SLC39A7: variants seen among roughly 807,000 people sequenced by gnomAD.
SLC39A7 encodes zinc transporter SLC39A7.
SLC39A7 carries 25 observed loss-of-function variants against 39.7 expected under a neutral mutation model. That is an observed-to-expected ratio of 0.63 (90% CI 0.46 to 0.88). The LOEUF is 0.88. Ranked by LOEUF, SLC39A7 falls within the 40% of genes least tolerant of loss-of-function variation. SLC39A7 has a pLI of 0.00. For missense variants in SLC39A7, 501 were observed against 592.1 expected (o/e 0.85, Z 1.60); for synonymous variants, 181 against 234.1 (o/e 0.77, Z 2.07).
chr6:33,201,985 TTATG>T lies in SLC39A7; in HGVS notation c.580+73_580+76del, dbSNP rs1774614615. On this transcript the variant is annotated intron_variant, in intron 2 of 6. Coordinates refer to ENST00000374677, the MANE Select transcript of SLC39A7 (RefSeq NM_006979.3). This position sits in a 1 kb window ranked among gnomAD's most constrained non-coding sequence, Gnocchi z 5.9. ...TTGGAGGAAAAGGGTTCTTTCTCCT[TTATG>T]ATCCCTGACCTTTCGATATTCCCCC... 1 of 1,596,244 alleles carries T rather than the reference TTATG, an allele frequency of 6.3e-7. No individual in the cohort carries two copies. The highest frequency in any genetic ancestry group is 1.1e-5 in the South Asian group (1 of 90,746).
Position 33,202,550 on chromosome 6 carries a change from C to A in SLC39A7, c.800-10C>A, listed in dbSNP as rs113452803. ...GTTCTCCACTCTGACCAACTCTTTT[C>A]TTCCCTCAGAGCGTTCTACCAAGGA... On this transcript the variant is annotated splice_polypyrimidine_tract_variant and intron_variant, in intron 4 of 6. Transcript: ENST00000374677. 9.4e-6 allele frequency: 15 copies of A among 1,595,404 alleles called. No individual in the cohort carries two copies. The highest frequency in any genetic ancestry group is 1.7e-4 in the Middle Eastern group (1 of 5,946).
chr6:33,203,812 G>A lies in SLC39A7; in HGVS notation c.1409G>A (p.Ter470=). 1 of 1,613,880 alleles carries A rather than the reference G, an allele frequency of 6.2e-7. No homozygotes were observed. The highest frequency in any genetic ancestry group is 8.5e-7 in the Non-Finnish European group (1 of 1,179,926). ...IMMVLIAHLE[*] ...ATGGTGCTGATTGCCCACCTTGAGT[G>A]AGGGGTGGATAAACTACCCCTGCCC... Residue 470 remains the stop codon, a stop_retained_variant, in exon 7 of 7, where the codon TGA becomes TAA. Transcript: ENST00000374677.
Position 33,200,953 on chromosome 6 carries a change from T to C in SLC39A7, c.-293T>C. 1.1e-6 allele frequency: 1 copy of C among 908,356 alleles called. No individual in the cohort carries two copies. The highest frequency in any genetic ancestry group is 1.8e-6 in the Non-Finnish European group (1 of 564,556). The allele number at this position is 908,356 out of a possible 1,614,324, so 56.3% of individuals were successfully genotyped here. On this transcript the variant is annotated 5_prime_UTR_variant, in exon 1 of 7. Coordinates refer to ENST00000374677, the MANE Select transcript of SLC39A7 (RefSeq NM_006979.3). This position sits in a 1 kb window ranked among gnomAD's most constrained non-coding sequence, Gnocchi z 6.3. ...TCCCGGAGCCGGTGAGAATTCTCTG[T>C]TTTTTCTCTACCATCCTTTCCAGGC...
chr6:33,203,989 G>T lies in SLC39A7; in HGVS notation c.*176G>T, dbSNP rs534707605. ...CTGGCAGTCTTACAGAGGCTGGAGC[G>T]GTGAGAATGAGAGGCCAGAGGGACC... On this transcript the variant is annotated 3_prime_UTR_variant, in exon 7 of 7. Coordinates refer to ENST00000374677, the MANE Select transcript of SLC39A7 (RefSeq NM_006979.3). 6 of 643,022 alleles carry T rather than the reference G, an allele frequency of 9.3e-6. No homozygotes were observed. The highest frequency in any genetic ancestry group is 1.6e-5 in the Non-Finnish European group (6 of 370,184). The allele number at this position is 643,022 out of a possible 1,614,324, so 39.8% of individuals were successfully genotyped here. A position where few individuals can be genotyped will look rare whatever the true frequency, so the allele number is the denominator to read the frequency against.
In SLC39A7 at chr6:33,201,792, C is replaced by T. The variant is rs1257669666; in HGVS notation, c.459C>T (p.Leu153=). 1 of 1,613,794 alleles carries T rather than the reference C, an allele frequency of 6.2e-7. No homozygotes were observed. Residue 153 remains leucine, a synonymous_variant, in exon 2 of 7, where the codon CTC becomes CTT. Transcript: ENST00000374677. The surrounding 1 kb of genome is among the most constrained non-coding windows in gnomAD (Gnocchi z 5.9). Reference sequence around the variant, plus strand: ...TCTCAGCAGCTCCATTTTTTGTCCTCTTCCTTATCCCCGTGGAGTCGAACT... The same window carrying T: ...TCTCAGCAGCTCCATTTTTTGTCCTTTTCCTTATCCCCGTGGAGTCGAACT... ...VLISAAPFFV[L]FLIPVESNSP...
chr6:33,201,925 C>G lies in SLC39A7; in HGVS notation c.580+12C>G. ...TCCTCATGCTCTTGGTAAGTAACCT[C>G]TGACTTCTACCTCAAATCTAACCTA... On this transcript the variant is annotated intron_variant, in intron 2 of 6. Coordinates refer to ENST00000374677, the MANE Select transcript of SLC39A7 (RefSeq NM_006979.3). This position sits in a 1 kb window ranked among gnomAD's most constrained non-coding sequence, Gnocchi z 5.9. 6.2e-7 allele frequency: 1 copy of G among 1,612,444 alleles called. No homozygotes were observed. Among genetic ancestry groups the G allele is most frequent in the East Asian group, 2.2e-5 (1 of 44,888 alleles).
rs1348305386 is a variant in SLC39A7, at chr6:33,202,437, G to A, written c.799+10G>A. ...GGACATGGAAGACAAGGTGAGCCCA[G>A]GAACAACTTTCCTGAAAGCTGACTT... On this transcript the variant is annotated intron_variant, in intron 4 of 6. Transcript: ENST00000374677. 6.2e-7 allele frequency: 1 copy of A among 1,611,326 alleles called. No homozygotes were observed. The highest frequency in any genetic ancestry group is 8.5e-7 in the Non-Finnish European group (1 of 1,178,712).
In SLC39A7 at chr6:33,201,308, G is replaced by C. The variant is rs1774526141; in HGVS notation, c.63G>C (p.Leu21Phe). The C allele has an allele frequency of 6.2e-7, 1 of 1,613,980 alleles. No individual in the cohort carries two copies. The highest frequency in any genetic ancestry group is 1.3e-5 in the African/African-American group (1 of 74,906). ...VAVGLLTWAT[L>F]GLLVAGLGGH... ...TGGGACTGCTGACCTGGGCGACCTT[G>C]GGGCTTCTGGTGGCTGGACTCGGGG... The change falls in exon 1 of 7, where the codon TTG becomes TTC. Residue 21 changes from leucine to phenylalanine, a missense_variant. Leu to Phe is a conservative substitution (Grantham distance 22). Transcript: ENST00000374677. This position sits in a 1 kb window ranked among gnomAD's most constrained non-coding sequence, Gnocchi z 5.9.
At position 33,203,026 on chromosome 6, in the gene SLC39A7, A is replaced by G. The variant is rs200791329; in HGVS notation, c.1057A>G (p.Met353Val). The change falls in exon 6 of 7, where the codon ATG (methionine) becomes GTG (valine). Residue 353 changes from methionine to valine, a missense_variant. Coordinates refer to ENST00000374677, the MANE Select transcript of SLC39A7 (RefSeq NM_006979.3). ...CCGGGGACTAGGGATCCTGACCACA[A>G]TGACTGTCCTGCTACATGAAGTGCC... ...GGRGLGILTT[M>V]TVLLHEVPHE... is the part of the protein sequence containing the mutation. The G allele has an allele frequency of 7.1e-4, 1,144 of 1,612,728 alleles. 15 individuals carry two copies. The highest frequency in any genetic ancestry group is 7.0e-3 in the South Asian group (634 of 91,064).
rs1562428042 is a variant in SLC39A7, at chr6:33,201,338, T to TGACGACCTGCAC, written c.99_110dup (p.His35_Leu38dup). 2 of 1,614,080 alleles carry TGACGACCTGCAC rather than the reference T, an allele frequency of 1.2e-6. No homozygotes were observed. On this transcript the variant is annotated inframe_insertion, in exon 1 of 7. Coordinates refer to ENST00000374677, the MANE Select transcript of SLC39A7 (RefSeq NM_006979.3). This position sits in a 1 kb window ranked among gnomAD's most constrained non-coding sequence, Gnocchi z 5.9. ...TTCTGGTGGCTGGACTCGGGGGTCATGACGACCTGCACGACGATCTGCAAG... is the reference window on the plus strand; with the variant it reads ...TTCTGGTGGCTGGACTCGGGGGTCATGACGACCTGCACGACGACCTGCACGACGATCTGCAAG...
Position 33,202,072 on chromosome 6 carries a change from A to G in SLC39A7, c.581A>G (p.Glu194Gly). ...AFLHLIPHAL[E>G]PHSHHTLEQP... is the part of the protein sequence containing the mutation. ...ATCTGGTTTTCCCCCCTTCTTCCAG[A>G]ACCTCATTCTCACCACACTCTGGAG... Residue 194 changes from glutamate (E) to glycine (G), a missense_variant and splice_region_variant, in exon 3 of 7, where the codon GAA becomes GGA. By Grantham distance (98) the Glu-to-Gly change is moderately conservative. Transcript: ENST00000374677. 6.2e-7 allele frequency: 1 copy of G among 1,612,912 alleles called. No individual in the cohort carries two copies. Among genetic ancestry groups the G allele is most frequent in the Non-Finnish European group, 8.5e-7 (1 of 1,179,958 alleles).
chr6:33,202,661 G>A lies in SLC39A7; in HGVS notation c.901G>A (p.Val301Met). The change falls in exon 5 of 7, where the codon GTG (valine) becomes ATG (methionine). Residue 301 changes from valine (V) to methionine (M), a missense_variant. Physicochemically the swap from Val to Met is conservative, Grantham distance 21. Coordinates refer to ENST00000374677, the MANE Select transcript of SLC39A7 (RefSeq NM_006979.3). ...GAGCACAGTACCCAAAGATGGGCCAGTGAGACCTCAGAACGCTGAAGAAGA... is the reference window on the plus strand; with the variant it reads ...GAGCACAGTACCCAAAGATGGGCCAATGAGACCTCAGAACGCTGAAGAAGA... ...GGSTVPKDGP[V>M]RPQNAEEEKR... 6.2e-7 allele frequency: 1 copy of A among 1,608,140 alleles called. No homozygotes were observed. The highest frequency in any genetic ancestry group is 8.5e-7 in the Non-Finnish European group (1 of 1,178,800).
In SLC39A7 at chr6:33,203,796, A is replaced by G; in HGVS notation, c.1393A>G (p.Ile465Val). 5 of 1,614,012 alleles carry G rather than the reference A, an allele frequency of 3.1e-6. No individual in the cohort carries two copies. Among genetic ancestry groups the G allele is most frequent in the Non-Finnish European group, 4.2e-6 (5 of 1,179,990 alleles). Residue 465 changes from isoleucine (I) to valine (V), a missense_variant, in exon 7 of 7, where the codon ATT becomes GTT. Ile to Val is a conservative substitution (Grantham distance 29). Coordinates refer to ENST00000374677, the MANE Select transcript of SLC39A7 (RefSeq NM_006979.3). Reference sequence around the variant, plus strand: ...GGGGGGAGTTATCATGATGGTGCTGATTGCCCACCTTGAGTGAGGGGTGGA... The same window carrying G: ...GGGGGGAGTTATCATGATGGTGCTGGTTGCCCACCTTGAGTGAGGGGTGGA... ...LLGGVIMMVL[I>V]AHLE
Position 33,202,260 on chromosome 6 carries a change from C to A in SLC39A7, c.635-3C>A, listed in dbSNP as rs966007186. On this transcript the variant is annotated splice_polypyrimidine_tract_variant and splice_region_variant and intron_variant, in intron 3 of 6. Coordinates refer to ENST00000374677, the MANE Select transcript of SLC39A7 (RefSeq NM_006979.3). ...CTTAATGTCTCAATGCCTCCATTCC[C>A]AGGCCAGGGCCCCATTCTGTCTGTG... The A allele has an allele frequency of 3.7e-6, 6 of 1,612,244 alleles. No individual in the cohort carries two copies. In the African/African-American group the frequency reaches 6.7e-5, roughly 18 times the overall value.
Position 33,201,125 on chromosome 6 carries a change from A to T in SLC39A7, c.-121A>T. 1 of 997,488 alleles carries T rather than the reference A, an allele frequency of 1.0e-6. No homozygotes were observed. The highest frequency in any genetic ancestry group is 1.5e-6 in the Non-Finnish European group (1 of 660,262). The allele number at this position is 997,488 out of a possible 1,614,324, so 61.8% of individuals were successfully genotyped here. A position where few individuals can be genotyped will look rare whatever the true frequency, so the allele number is the denominator to read the frequency against. On this transcript the variant is annotated 5_prime_UTR_variant, in exon 1 of 7. Transcript: ENST00000374677. This position sits in a 1 kb window ranked among gnomAD's most constrained non-coding sequence, Gnocchi z 5.9. The stretch of plus-strand genomic sequence containing the variant: ...TTGGGAACAATGTAGGTGGGAACTT[A>T]AGGGAATGGGAGAGCGGCCCATAGA...
Position 33,202,993 on chromosome 6 carries a change from C to T in SLC39A7, c.1024C>T (p.Arg342Ter), listed in dbSNP as rs750261286. 8.1e-6 allele frequency: 13 copies of T among 1,612,458 alleles called. No individual in the cohort carries two copies. Among genetic ancestry groups the T allele is most frequent in the African/African-American group, 4.0e-5 (3 of 74,878 alleles). The change falls in exon 6 of 7, where the codon CGA becomes TGA. Residue 342 changes from arginine to a stop codon, truncating the protein, a stop_gained. Coordinates refer to ENST00000374677, the MANE Select transcript of SLC39A7 (RefSeq NM_006979.3). LOFTEE classifies it high-confidence loss of function. ...TDGLAIGASF[R>*]GGRGLGILTT... ...TGGTCTGGCCATTGGGGCTTCCTTT[C>T]GAGGGGGCCGGGGACTAGGGATCCT...
Position 33,201,606 on chromosome 6 carries a change from G to A in SLC39A7, c.361G>A (p.Gly121Arg), listed in dbSNP as rs1261313706. The change falls in exon 1 of 7, where the codon GGG becomes AGG. Residue 121 changes from glycine (G) to arginine (R), a missense_variant. Gly to Arg is a moderately radical substitution (Grantham distance 125). Coordinates refer to ENST00000374677, the MANE Select transcript of SLC39A7 (RefSeq NM_006979.3). This position sits in a 1 kb window ranked among gnomAD's most constrained non-coding sequence, Gnocchi z 5.9. Reference sequence around the variant, plus strand: ...TAGCCATGGAGGCTATGGGGAGTCTGGGGCTCCAGGCATCAAGCAGGACCT... The same window carrying A: ...TAGCCATGGAGGCTATGGGGAGTCTAGGGCTCCAGGCATCAAGCAGGACCT... ...EHSHGGYGES[G>R]APGIKQDLDA... The A allele has an allele frequency of 6.2e-7, 1 of 1,612,706 alleles. No individual in the cohort carries two copies. The highest frequency in any genetic ancestry group is 8.5e-7 in the Non-Finnish European group (1 of 1,179,054).
rs757104439 is a variant in SLC39A7 at position 33,201,257 on chromosome 6, C to T, written c.12C>T (p.Gly4=). 8.1e-6 allele frequency: 13 copies of T among 1,612,262 alleles called. No individual in the cohort carries two copies. The highest frequency in any genetic ancestry group is 1.0e-5 in the Non-Finnish European group (12 of 1,179,282). ...CTCTGGTCAGCGTGATGGCCAGAGG[C>T]CTGGGGGCCCCCCACTGGGTGGCCG... MAR[G]LGAPHWVAVG... The change falls in exon 1 of 7, where the codon GGC becomes GGT. Residue 4 remains glycine, a synonymous_variant. Transcript: ENST00000374677. This position sits in a 1 kb window ranked among gnomAD's most constrained non-coding sequence, Gnocchi z 5.9.
In SLC39A7 at chr6:33,201,061, C is replaced by T; in HGVS notation, c.-185C>T. On this transcript the variant is annotated 5_prime_UTR_variant, in exon 1 of 7. Coordinates refer to ENST00000374677, the MANE Select transcript of SLC39A7 (RefSeq NM_006979.3). The surrounding 1 kb of genome is among the most constrained non-coding windows in gnomAD (Gnocchi z 5.9). ...GGTGAAAGATTAGTGTCCCAGGGCC[C>T]TACATCCGGGAGGTGGTTCGGGATA... is the stretch of plus-strand genomic sequence containing the variant. The T allele has an allele frequency of 1.3e-6, 1 of 773,952 alleles. No homozygotes were observed. The highest frequency in any genetic ancestry group is 1.6e-5 in the South Asian group (1 of 64,204). The allele number at this position is 773,952 out of a possible 1,614,324, so 47.9% of individuals were successfully genotyped here. A position where few individuals can be genotyped will look rare whatever the true frequency, so the allele number is the denominator to read the frequency against.
Sources: allele counts gnomAD v4.1 joint callset, GRCh38; gene constraint gnomAD v4.1.1; non-coding constraint Gnocchi (gnomAD v3.1); transcripts MANE v1.5; gene names NCBI Gene and HGNC (gene_info 2026-07-23, HGNC 2026-07-21).